The following MAP4 variants were observed in gnomAD, a reference collection of about 807,000 sequenced individuals.
The protein encoded by MAP4 is microtubule associated protein 4, also known as microtubule-associated protein 4.
MAP4 carries 76 observed loss-of-function variants against 170.2 expected under a neutral mutation model. The observed-to-expected ratio is 0.45, with a 90% CI of 0.37 to 0.54. The LOEUF (loss-of-function observed/expected upper bound fraction) is 0.54, where lower values mean the gene tolerates loss of function less well. Ranked by LOEUF, MAP4 falls within the 20% of genes least tolerant of loss-of-function variation. MAP4 has a pLI of 0.00. For synonymous variants in MAP4, 909 were observed against 994.5 expected, an observed-to-expected ratio of 0.91 and a Z score of 1.62; for missense variants, 2,506 against 2,748.0, an observed-to-expected ratio of 0.91 and a Z score of 1.97.
Position 47,852,916 on chromosome 3 carries a change from AACGTCAG to A in MAP4, c.*11_*17del. 1.9e-6 allele frequency: 3 copies of A among 1,611,002 alleles called. No homozygotes were observed. The highest frequency in any genetic ancestry group is 1.7e-6 in the Non-Finnish European group (2 of 1,178,140). On this transcript the variant is annotated 3_prime_UTR_variant, in exon 21 of 21. Coordinates refer to ENST00000683076, the MANE Select transcript of MAP4 (RefSeq NM_001385682.1). ...GGTGCGGGCCCTGGCATTTGCCCGG[AACGTCAG>A]CCTGTAGGTCTCAATCTGCAGTGAC...
At chr3:47,966,223 A>G (rs532062379) in intron 3 of MAP4, among the ~76,000 whole-genome samples, 49 of 112,470 alleles carry the variant, frequency 4.4e-4, no homozygotes, top group Non-Finnish European at 7.1e-4. Flanking sequence ...ACAGGCCCAC[A>G]CTACCTTTTT....
intron 10 of MAP4, among the ~76,000 whole-genome samples, chr3:47,897,834 C>A (rs193001820): frequency 6.7e-6 from 1 of 150,188 alleles, no homozygotes; most frequent in Non-Finnish European, 1.5e-5. Flanking sequence ...CCCAGCTACT[C>A]GGGAGTCTGA....
At chr3:47,928,426 G>C in intron 3 of MAP4, 76 bp from the exon 4 acceptor site, 1 of 1,423,078 alleles carries the variant, frequency 7.0e-7, no homozygotes, top group Non-Finnish European at 9.8e-7. Context: ...TTTCTACAAA[G>C]TATTACAGCT....
chr3:48,002,241 CAAAAAGAAAAA>C (rs1180376503), intron 1 of MAP4, among the ~76,000 whole-genome samples: 5 of 84,670 alleles, frequency 5.9e-5, no homozygotes, highest in Admixed American at 2.4e-4. Flanking sequence ...ACTCTAGTCT[CAAAAAGAAAAA>C]AAAAAGAAAA....
Position 47,909,421 on chromosome 3 carries a change from T to C in MAP4, c.5000A>G (p.Asn1667Ser), listed in dbSNP as rs1046830458. 1.2e-6 allele frequency: 2 copies of C among 1,613,528 alleles called. No homozygotes were observed. Among genetic ancestry groups the C allele is most frequent in the African/African-American group, 1.3e-5 (1 of 75,002 alleles). Residue 1667 changes from asparagine (N) to serine (S), a missense_variant, in exon 9 of 21, where the codon AAT becomes AGT. Asn to Ser is a conservative substitution (Grantham distance 46, BLOSUM62 1). Transcript: ENST00000683076. The part of the protein sequence containing the change: ...DLTLLSPKSE[N>S]DKLKEISLAC... Reference sequence around the variant, plus strand: ...CAGACTAATTTCTTTCAATTTATCATTTTCACTTTTTGGAGACAAAAGAGT... The same window carrying C: ...CAGACTAATTTCTTTCAATTTATCACTTTCACTTTTTGGAGACAAAAGAGT...
At chr3:47,875,451 T>A (rs372054527) in intron 12 of MAP4, among the ~76,000 whole-genome samples, 1 of 152,094 alleles carries the variant, frequency 6.6e-6, no homozygotes, top group African/African-American at 2.4e-5. Flanking sequence ...GGGCCCCAAA[T>A]TGATTTCCTT....
Position 47,911,827 on chromosome 3 carries a change from G to A in MAP4, c.2594C>T (p.Pro865Leu), listed in dbSNP as rs2100036093. 3 of 1,536,084 alleles carry A rather than the reference G, an allele frequency of 2.0e-6. No individual in the cohort carries two copies. The highest frequency in any genetic ancestry group is 1.2e-5 in the South Asian group (1 of 84,054). ...AGACTGAGAACTTATTGCAGTTTTG[G>A]GGGCTTCTTCAGAAGGATATAAAGG... ...RIPLYPSEEA[P>L]KTAISSQSKL... Residue 865 changes from proline (P) to leucine (L), a missense_variant, in exon 9 of 21, where the codon CCC (proline) becomes CTC (leucine). Coordinates refer to ENST00000683076, the MANE Select transcript of MAP4 (RefSeq NM_001385682.1). The surrounding 1 kb of genome is among the most constrained non-coding windows in gnomAD (Gnocchi z 4.0).
chr3:47,871,222 A>G lies in MAP4; in HGVS notation c.6001+5T>C. 2 of 1,614,180 alleles carry G rather than the reference A, an allele frequency of 1.2e-6. 1 individual carries two copies. Among genetic ancestry groups the G allele is most frequent in the South Asian group, 2.2e-5 (2 of 91,084 alleles). On this transcript the variant is annotated splice_donor_5th_base_variant and intron_variant, in intron 14 of 20. Coordinates refer to ENST00000683076, the MANE Select transcript of MAP4 (RefSeq NM_001385682.1). ...GGCTCTACAAAATGGCGGATGGGCT[A>G]TTACCTGGTACAGACTTTGCAGTCA...
intron 3 of MAP4, among the ~76,000 whole-genome samples, chr3:47,941,637 A>AC (rs1040899208): frequency 1.3e-5 from 2 of 151,804 alleles, no homozygotes; most frequent in African/African-American, 4.8e-5. Flanking sequence ...CAAAAAAAAA[A>AC]AAAACTGGGC....
At chr3:47,883,281 G>C (rs894962113) in intron 10 of MAP4, among the ~76,000 whole-genome samples, 1 of 152,012 alleles carries the variant, frequency 6.6e-6, no homozygotes, top group Admixed American at 6.6e-5. Context: ...TCAGGCTGGA[G>C]TGCAGTGGCA....
At chr3:48,008,883 G>A (rs888898125) in intron 1 of MAP4, among the ~76,000 whole-genome samples, 6 of 152,182 alleles carry the variant, frequency 3.9e-5, no homozygotes, top group Non-Finnish European at 7.3e-5. Flanking sequence ...GCCAGCAGCA[G>A]AGACCGACAC....
intron 1 of MAP4, among the ~76,000 whole-genome samples, chr3:48,029,243 G>T (rs2100114706): frequency 6.6e-6 from 1 of 152,050 alleles, no homozygotes; most frequent in African/African-American, 2.4e-5. Flanking sequence ...TTCAAGACCA[G>T]CCTGGCCGAC....
chr3:47,916,318 C>G lies in MAP4; in HGVS notation c.1509G>C (p.Leu503Phe). 1 of 1,614,204 alleles carries G rather than the reference C, an allele frequency of 6.2e-7. No homozygotes were observed. Among genetic ancestry groups the G allele is most frequent in the Non-Finnish European group, 8.5e-7 (1 of 1,180,046 alleles). Residue 503 changes from leucine to phenylalanine, a missense_variant, in exon 7 of 21, where the codon TTG (leucine) becomes TTC (phenylalanine). Physicochemically the swap from Leu to Phe is conservative, Grantham distance 22. Coordinates refer to ENST00000683076, the MANE Select transcript of MAP4 (RefSeq NM_001385682.1). The stretch of plus-strand genomic sequence containing the variant: ...TTTCTGATAGTGGAGACATGTCCTT[C>G]AACAAGCCCACTTCTTTTACTGTGG... Reference protein sequence around the residue: ...APSTVKEVGLLKDMSPLSETE... With the variant: ...APSTVKEVGLFKDMSPLSETE...
intron 10 of MAP4, among the ~76,000 whole-genome samples, chr3:47,879,237 A>C (rs1430813734): frequency 2.0e-5 from 3 of 150,770 alleles, no homozygotes; most frequent in Admixed American, 2.0e-4. Context: ...GTCTCTATTA[A>C]GTGAAAAAAA....
Position 48,045,984 on chromosome 3 carries a change from CT to C in MAP4, c.-20+42788del, listed in dbSNP as rs59624917. On this transcript the variant is annotated intron_variant, in intron 1 of 18. Coordinates refer to the MAP4 transcript ENST00000360240. Reference sequence around the variant, plus strand: ...CACTACAAAATTTCTTGCATCACTTCTTTTTTTTTTTTTTTTTTTTACCAAA... The same window carrying C: ...CACTACAAAATTTCTTGCATCACTTCTTTTTTTTTTTTTTTTTTTACCAAA... Among the ~76,000 whole-genome samples the C allele has an allele frequency of 0.018, 2,416 of 130,814 alleles. 187 individuals are homozygous for C. The East Asian group carries it at 0.26, about 14-fold the overall frequency. The allele number at this position is 130,814 out of a possible 152,430, so 85.8% of individuals were successfully genotyped here.
At position 47,979,857 on chromosome 3, in the gene MAP4, T is replaced by C. The variant is rs550544400; in HGVS notation, c.224-1924A>G. Reference sequence around the variant, plus strand: ...TTTGTTTTTTCGAGACAGGGTCTCATTCTGTCACTCAGGCTGGAGTGCAGT... The same window carrying C: ...TTTGTTTTTTCGAGACAGGGTCTCACTCTGTCACTCAGGCTGGAGTGCAGT... On this transcript the variant is annotated intron_variant, in intron 2 of 20. Transcript: ENST00000683076. Among the ~76,000 whole-genome samples, 21 of 151,716 alleles carry C rather than the reference T, an allele frequency of 1.4e-4. 1 individual carries two copies. The Middle Eastern group carries it at 0.017, about 126-fold the overall frequency.
At position 47,871,009 on chromosome 3, in the gene MAP4, C is replaced by T. The variant is rs200106834; in HGVS notation, c.6098G>A (p.Arg2033Gln). 6.8e-6 allele frequency: 11 copies of T among 1,614,054 alleles called. No individual in the cohort carries two copies. Among genetic ancestry groups the T allele is most frequent in the Non-Finnish European group, 8.5e-6 (10 of 1,179,950 alleles). The change falls in exon 15 of 21, where the codon CGA becomes CAA. Residue 2033 changes from arginine to glutamine, a missense_variant. By Grantham distance (43) the Arg-to-Gln change is conservative. Coordinates refer to ENST00000683076, the MANE Select transcript of MAP4 (RefSeq NM_001385682.1). ...GGAGGGCATGGGTGTGGCCTTGACTCGGCTGGGAACCACCCCTGCAGCGGG... is the reference window on the plus strand; with the variant it reads ...GGAGGGCATGGGTGTGGCCTTGACTTGGCTGGGAACCACCCCTGCAGCGGG... ...TAPAAGVVPS[R>Q]VKATPMPSRP...
intron 3 of MAP4, chr3:47,973,982 T>C: frequency 1.0e-6 from 1 of 985,436 alleles, no homozygotes; most frequent in Admixed American, 6.1e-5. Flanking sequence ...GAAGAAATTT[T>C]TGTCAGAGAA....
intron 3 of MAP4, among the ~76,000 whole-genome samples, chr3:47,937,349 G>A (rs889360746): frequency 9.2e-5 from 14 of 152,052 alleles, no homozygotes; most frequent in Admixed American, 6.6e-4. Flanking sequence ...CAGCATCCTC[G>A]GGAAGGTTCA....
Sources: allele counts gnomAD v4.1 joint callset (sites outside exome capture counted in the v4.1 genomes callset), GRCh38; gene constraint gnomAD v4.1.1; non-coding constraint Gnocchi (gnomAD v3.1); transcripts MANE v1.5; gene names NCBI Gene and HGNC (gene_info 2026-07-23, HGNC 2026-07-21).